Variants in RPL15 observed in about 807,000 individuals in gnomAD.
RPL15 encodes ribosomal protein L15, also known as large ribosomal subunit protein eL15.
For missense variants in RPL15, 161 were observed against 271.8 expected, an observed-to-expected ratio of 0.59 and a Z score of 2.87; for synonymous variants, 97 against 95.1, an observed-to-expected ratio of 1.02 and a Z score of -0.12.
downstream of RPL15, chr3:23,922,141 T>A (rs1246148445): frequency 1.3e-5 from 2 of 152,830 alleles, no homozygotes; most frequent in East Asian, 3.8e-4. This position sits in a 1 kb window ranked among gnomAD's most constrained non-coding sequence, Gnocchi z 4.2. Flanking sequence ...AGAGCCCATC[T>A]CACAAAAAAT....
At chr3:23,918,052 A>G (rs1202992515) in intron 2 of RPL15, 21 bp downstream of exon 2, 2 of 1,594,682 alleles carry the variant, frequency 1.3e-6, no homozygotes, top group South Asian at 1.1e-5. Flanking sequence ...GACTGCGTGG[A>G]TGCTTGGATA....
downstream of RPL15, chr3:23,921,571 T>TTGTG: frequency 3.1e-5 from 4 of 129,746 alleles, no homozygotes; most frequent in African/African-American, 1.1e-4. Flanking sequence ...GATTATTGAG[T>TTGTG]TTTTTTTTTT....
downstream of RPL15, chr3:23,921,921 T>G: frequency 3.1e-6 from 1 of 323,360 alleles, no homozygotes; most frequent in Non-Finnish European, 5.6e-6. Context: ...GTTGCCCAGG[T>G]TGGTCTCAAA....
rs1400231000 is a variant in RPL15 at position 23,919,860 on chromosome 3, A to G, written c.*359A>G. Reference sequence around the variant, plus strand: ...CTGCAGCTTTATCGGAGTGATGGCAATGCTCTGCTGGTTTATTTTCAAGTG... The same window carrying G: ...CTGCAGCTTTATCGGAGTGATGGCAGTGCTCTGCTGGTTTATTTTCAAGTG... On this transcript the variant is annotated 3_prime_UTR_variant, in exon 4 of 4. Coordinates refer to ENST00000307839, the MANE Select transcript of RPL15 (RefSeq NM_002948.5). 4.8e-5 allele frequency: 49 copies of G among 1,010,494 alleles called. No homozygotes were observed. Among genetic ancestry groups the G allele is most frequent in the Non-Finnish European group, 5.3e-5 (45 of 846,540 alleles). The allele number at this position is 1,010,494 out of a possible 1,614,324, so 62.6% of individuals were successfully genotyped here.
chr3:23,918,936 C>A, intron 3 of RPL15: 1 of 531,436 alleles, frequency 1.9e-6, no homozygotes, highest in South Asian at 2.8e-5. Context: ...TTTTGTTACC[C>A]AGATATTAAC....
rs1705047341 is a variant in RPL15 at position 23,920,981 on chromosome 3, A to T, written c.*1480A>T. On this transcript the variant is annotated 3_prime_UTR_variant, in exon 4 of 4. Transcript: ENST00000307839. ...ATTTGAGATAGCATAAAATGTACTT[A>T]TTCTCTCAGTTCTTTGATCATTGCA... 1 of 158,322 alleles carries T rather than the reference A, an allele frequency of 6.3e-6. No individual in the cohort carries two copies. The highest frequency in any genetic ancestry group is 1.4e-5 in the Non-Finnish European group (1 of 73,668). 9.8% of individuals were successfully genotyped at this position (158,322 alleles called of 1,614,324 possible).
chr3:23,917,974 G>C lies in RPL15; in HGVS notation c.115G>C (p.Ala39Pro). The C allele has an allele frequency of 6.2e-7, 1 of 1,613,238 alleles. No homozygotes were observed. Among genetic ancestry groups the C allele is most frequent in the Non-Finnish European group, 8.5e-7 (1 of 1,179,694 alleles). ...QYRQLSALHRAPRPTRPDKAR... is the reference protein window; with the variant it reads ...QYRQLSALHRPPRPTRPDKAR... ...CCGCCAGCTCTCTGCTCTCCACAGG[G>C]CTCCCCGCCCCACCCGGCCTGATAA... The change falls in exon 2 of 4, where the codon GCT (alanine) becomes CCT (proline). Residue 39 changes from alanine (A) to proline (P), a missense_variant. Transcript: ENST00000307839.
chr3:23,919,910 G>GTGT lies in RPL15; in HGVS notation c.*410_*412dup, dbSNP rs1480212193. On this transcript the variant is annotated 3_prime_UTR_variant, in exon 4 of 4. Coordinates refer to ENST00000307839, the MANE Select transcript of RPL15 (RefSeq NM_002948.5). Reference sequence around the variant, plus strand: ...GGCTGCGTTTTTTTTAGTTTGGCAGGTGTAGACTTTTTAAGTTGGGCTTTA... The same window carrying GTGT: ...GGCTGCGTTTTTTTTAGTTTGGCAGGTGTTGTAGACTTTTTAAGTTGGGCTTTA... 1 of 991,408 alleles carries GTGT rather than the reference G, an allele frequency of 1.0e-6. No homozygotes were observed. Among genetic ancestry groups the GTGT allele is most frequent in the African/African-American group, 1.7e-5 (1 of 57,372 alleles). 61.4% of individuals were successfully genotyped at this position (991,408 alleles called of 1,614,324 possible).
intron 2 of RPL15, 125 bp downstream of exon 2, chr3:23,918,156 A>G: frequency 8.1e-7 from 1 of 1,228,962 alleles, no homozygotes; most frequent in African/African-American, 1.5e-5. Flanking sequence ...GAAAAAAGCT[A>G]GCAACACTGG....
intron 3 of RPL15, 37 bp downstream of exon 3, chr3:23,918,613 C>T: frequency 6.3e-7 from 1 of 1,599,172 alleles, no homozygotes; most frequent in Non-Finnish European, 8.5e-7. Flanking sequence ...TTGAATACTG[C>T]CTGGGGATGG....
chr3:23,921,530 T>C (rs998646174), downstream of RPL15: 47 of 680,780 alleles, frequency 6.9e-5, no homozygotes, highest in Admixed American at 9.9e-4. Context: ...TTACTATTTC[T>C]ATATTGGCAT....
chr3:23,921,909 A>G (rs1705101444), downstream of RPL15: 1 of 367,988 alleles, frequency 2.7e-6, no homozygotes, highest in African/African-American at 2.2e-5. Flanking sequence ...GGATCTCACT[A>G]TGTTGCCCAG....
chr3:23,920,883 T>C lies in RPL15; in HGVS notation c.*1382T>C, dbSNP rs1168479296. ...GTTATTTTTTGTCATCTTACAGTGC[T>C]AATGTACTTTAAAGCAAACCAAATG... On this transcript the variant is annotated 3_prime_UTR_variant, in exon 4 of 4. Transcript: ENST00000307839. The C allele has an allele frequency of 6.5e-5, 40 of 613,868 alleles. No homozygotes were observed. Among genetic ancestry groups the C allele is most frequent in the Non-Finnish European group, 7.9e-5 (39 of 490,660 alleles). 38.0% of individuals were successfully genotyped at this position (613,868 alleles called of 1,614,324 possible).
downstream of RPL15, chr3:23,921,624 G>T (rs1454063478): frequency 2.9e-6 from 2 of 684,502 alleles, no homozygotes; most frequent in African/African-American, 1.8e-5. Flanking sequence ...ACTCAGGTGG[G>T]AGTGCAGTGG....
chr3:23,920,838 CTA>C lies in RPL15; in HGVS notation c.*1338_*1339del. Reference sequence around the variant, plus strand: ...ACTGAAGGAATAAATGTCTATTAAACTAAAACAAATGGACCTTCTGTTATTTT... The same window carrying C: ...ACTGAAGGAATAAATGTCTATTAAACAAACAAATGGACCTTCTGTTATTTT... On this transcript the variant is annotated 3_prime_UTR_variant, in exon 4 of 4. Coordinates refer to ENST00000307839, the MANE Select transcript of RPL15 (RefSeq NM_002948.5). 1 of 901,898 alleles carries C rather than the reference CTA, an allele frequency of 1.1e-6. No homozygotes were observed. Among genetic ancestry groups the C allele is most frequent in the Non-Finnish European group, 1.3e-6 (1 of 753,794 alleles). The allele number at this position is 901,898 out of a possible 1,614,324, so 55.9% of individuals were successfully genotyped here.
Position 23,918,554 on chromosome 3 carries a change from G to T in RPL15, c.287G>T (p.Arg96Leu). Residue 96 changes from arginine (R) to leucine (L), a missense_variant, in exon 3 of 4, where the codon CGA (arginine) becomes CTA (leucine). Transcript: ENST00000307839. ...HHGVNQLKFARSLQSVAEERA... is the reference protein window; with the variant it reads ...HHGVNQLKFALSLQSVAEERA... ...GGTGTTAACCAGCTAAAGTTTGCTC[G>T]AAGCCTTCAGTCCGTTGCAGAGGTA... 1 of 1,613,980 alleles carries T rather than the reference G, an allele frequency of 6.2e-7. No homozygotes were observed. The highest frequency in any genetic ancestry group is 1.3e-5 in the African/African-American group (1 of 75,050).
downstream of RPL15, chr3:23,921,934 A>ACTGG (rs557328573): frequency 3.5e-6 from 1 of 285,076 alleles, no homozygotes; most frequent in Admixed American, 5.0e-5. Flanking sequence ...GTCTCAAACT[A>ACTGG]CTGGCCTCAA....
intron 3 of RPL15, 162 bp downstream of exon 3, chr3:23,918,738 T>A: frequency 3.6e-6 from 3 of 834,956 alleles, no homozygotes; most frequent in South Asian, 1.8e-5. Context: ...TTGAAAGACT[T>A]GTCTTTGTTA....
rs1444951429 is a variant in RPL15, at chr3:23,919,181, T to G, written c.310-15T>G. On this transcript the variant is annotated splice_polypyrimidine_tract_variant and intron_variant, in intron 3 of 3. Transcript: ENST00000307839. The stretch of plus-strand genomic sequence containing the variant: ...AATGTGGGAGATTGACCTTGGGCCT[T>G]TTTTCCTATTCTAGGAGCGAGCTGG... 2 of 1,601,992 alleles carry G rather than the reference T, an allele frequency of 1.2e-6. No homozygotes were observed. Among genetic ancestry groups the G allele is most frequent in the African/African-American group, 2.7e-5 (2 of 74,574 alleles).
Sources: gnomAD v4.1 joint callset for allele counts on GRCh38, gnomAD v4.1.1 for gene constraint, Gnocchi (gnomAD v3.1) non-coding constraint, MANE v1.5 for transcripts, NCBI Gene and HGNC (gene_info 2026-07-23, HGNC 2026-07-21) for gene names.